Variants in RBMS3 observed in about 807,000 individuals in gnomAD.
The protein encoded by RBMS3 is RNA-binding motif, single-stranded-interacting protein 3.
RBMS3 carries 27 observed loss-of-function variants against 66.8 expected under a neutral mutation model. That is an observed-to-expected ratio of 0.40 (90% confidence interval 0.30 to 0.56). RBMS3 has a LOEUF of 0.56. RBMS3 is among the 20% of genes least tolerant of loss of function. The probability of loss-of-function intolerance (pLI) is 0.40; values close to 1 mark genes in which losing one functional copy is unlikely to be tolerated. For synonymous variants in RBMS3, 188 were observed against 183.0 expected (o/e 1.03, Z -0.22); for missense variants, 513 against 549.5 (o/e 0.93, Z 0.66).
intron 2 of RBMS3, 94 bp from the exon 3 acceptor site, chr3:29,488,347 G>T: frequency 9.9e-7 from 1 of 1,008,622 alleles, no homozygotes; most frequent in South Asian, 1.5e-5. Flanking sequence ...GTTTATGCAT[G>T]CTCAGTTGTG....
At chr3:29,836,766 G>A (rs1256658724) in intron 6 of RBMS3, among the ~76,000 whole-genome samples, 1 of 148,886 alleles carries the variant, frequency 6.7e-6, no homozygotes, top group Admixed American at 6.8e-5. Flanking sequence ...TAGCTTGACT[G>A]TGGTAACCAT....
intron 10 of RBMS3, among the ~76,000 whole-genome samples, chr3:29,900,067 T>C (rs1287747847): frequency 6.6e-6 from 1 of 151,736 alleles, no homozygotes. Context: ...CTACCATTTC[T>C]TATGCATGAG....
At chr3:29,669,503 T>C (rs1039174971) in intron 4 of RBMS3, among the ~76,000 whole-genome samples, 8 of 152,232 alleles carry the variant, frequency 5.3e-5, no homozygotes, top group African/African-American at 1.9e-4. Flanking sequence ...TACCACACGG[T>C]TTTTAAGTCT....
chr3:29,718,100 C>A (rs1354988219), intron 4 of RBMS3, among the ~76,000 whole-genome samples: 3 of 151,808 alleles, frequency 2.0e-5, no homozygotes, highest in African/African-American at 7.3e-5. Context: ...ATCCCTTTTT[C>A]CTGATGTTTT....
intron 4 of RBMS3, among the ~76,000 whole-genome samples, chr3:29,689,216 A>G (rs890760491): frequency 6.6e-6 from 1 of 152,208 alleles, no homozygotes; most frequent in Admixed American, 6.5e-5. Context: ...ATTTAAACTT[A>G]TTTATTATAA....
chr3:29,484,656 A>G (rs1199146635), intron 2 of RBMS3, among the ~76,000 whole-genome samples: 1 of 152,214 alleles, frequency 6.6e-6, no homozygotes, highest in Non-Finnish European at 1.5e-5. Context: ...AAAACTTCAG[A>G]ATATAAATGG....
At chr3:29,435,797 A>AC (rs1242596823) in intron 2 of RBMS3, among the ~76,000 whole-genome samples, 1 of 151,964 alleles carries the variant, frequency 6.6e-6, no homozygotes, top group Non-Finnish European at 1.5e-5. Context: ...ACACGGTGAA[A>AC]CCCCATCTCT....
At chr3:29,761,274 A>G (rs35744500) in intron 5 of RBMS3, among the ~76,000 whole-genome samples, 72,219 of 151,818 alleles carry the variant, frequency 0.48, 17,767 homozygotes, top group African/African-American at 0.6. Flanking sequence ...ATGCTTCATA[A>G]GAATGTACAT....
In RBMS3 at chr3:29,690,037, G is replaced by A. The variant is rs534268957; in HGVS notation, c.400-49683G>A. Among the ~76,000 whole-genome samples, 29 of 149,852 alleles carry A rather than the reference G, an allele frequency of 1.9e-4. No individual in the cohort carries two copies. The South Asian group carries it at 6.1e-3, about 32-fold the overall frequency. The stretch of plus-strand genomic sequence containing the variant: ...CAAAAGAAATGAAACATTGCTGAAG[G>A]TATTGATTTTCTGGTATATGTGGAA... On this transcript the variant is annotated intron_variant, in intron 4 of 14. Coordinates refer to ENST00000383767, the MANE Select transcript of RBMS3 (RefSeq NM_001003793.3).
At chr3:29,431,279 T>C (rs1034966928) in intron 1 of RBMS3, among the ~76,000 whole-genome samples, 2 of 141,338 alleles carry the variant, frequency 1.4e-5, no homozygotes, top group Non-Finnish European at 3.1e-5. Context: ...AGAAAAATGT[T>C]TCTTTCTTTC....
chr3:29,349,189 T>G (rs1038422414), intron 1 of RBMS3, among the ~76,000 whole-genome samples: 1 of 151,230 alleles, frequency 6.6e-6, no homozygotes, highest in Non-Finnish European at 1.5e-5. Context: ...CTGCTCCCTT[T>G]GCACCCCGTG....
intron 8 of RBMS3, 27 bp downstream of exon 8, chr3:29,884,235 T>C: frequency 6.4e-7 from 1 of 1,573,074 alleles, no homozygotes; most frequent in Non-Finnish European, 8.7e-7. Context: ...TTCTCTATTT[T>C]AATTGTGAAT....
chr3:29,435,082 A>G (rs951725607), intron 2 of RBMS3, 167 bp downstream of exon 2: 1 of 763,664 alleles, frequency 1.3e-6, no homozygotes, highest in African/African-American at 1.8e-5. Flanking sequence ...TATTTTGGGG[A>G]GTGGAATTGG....
chr3:29,629,597 A>G (rs2049207397), intron 4 of RBMS3, among the ~76,000 whole-genome samples: 1 of 152,116 alleles, frequency 6.6e-6, no homozygotes, highest in African/African-American at 2.4e-5. Context: ...TGGTTTTTAA[A>G]TACAGTTTAT....
At chr3:29,352,099 A>G (rs77572333) in intron 1 of RBMS3, among the ~76,000 whole-genome samples, 14,377 of 152,042 alleles carry the variant, frequency 0.095, 841 homozygotes, top group East Asian at 0.19. Flanking sequence ...CTATAGATCT[A>G]TCTCTTCTCC....
intron 3 of RBMS3, among the ~76,000 whole-genome samples, chr3:29,572,951 G>C (rs996465052): frequency 6.6e-6 from 1 of 151,590 alleles, no homozygotes; most frequent in Admixed American, 6.6e-5. Flanking sequence ...GTTAGTTATT[G>C]GTCTGTTTAG....
intron 4 of RBMS3, among the ~76,000 whole-genome samples, chr3:29,622,565 T>A (rs1478639950): frequency 4.6e-5 from 7 of 152,228 alleles, no homozygotes; most frequent in Non-Finnish European, 1.0e-4. Flanking sequence ...ACAATAAAAT[T>A]GGCTTGTTGA....
chr3:29,731,717 C>A (rs961460764), intron 4 of RBMS3, among the ~76,000 whole-genome samples: 12 of 152,070 alleles, frequency 7.9e-5, no homozygotes, highest in Non-Finnish European at 1.5e-4. Flanking sequence ...GATCGTATGT[C>A]CTCATTTCTT....
intron 7 of RBMS3, among the ~76,000 whole-genome samples, chr3:29,877,750 C>G (rs1319311009): frequency 6.6e-6 from 1 of 152,090 alleles, no homozygotes; most frequent in African/African-American, 2.4e-5. Context: ...CGGAGTTGTT[C>G]CCCGGTAAAA....
Sources: gnomAD v4.1 joint callset for allele counts (sites outside exome capture counted in the v4.1 genomes callset) on GRCh38, gnomAD v4.1.1 for gene constraint, MANE v1.5 for transcripts, NCBI Gene and HGNC (gene_info 2026-07-23, HGNC 2026-07-21) for gene names.